The following AFF2 variants were observed in gnomAD, a reference collection of about 807,000 sequenced individuals.
The protein encoded by AFF2 is AF4/FMR2 family member 2.
Under a neutral mutation model 76.9 loss-of-function variants are expected in AFF2, and 14 were observed. The ratio of observed to expected loss-of-function variants is 0.18; its 90% CI spans 0.12 to 0.28. The LOEUF (loss-of-function observed/expected upper bound fraction) is 0.28. AFF2 is among the 10% of genes least tolerant of loss of function. The pLI is 1.00. For synonymous variants in AFF2, 398 were observed against 366.7 expected (o/e 1.09, Z -0.98); for missense variants, 868 against 1,001.1 (o/e 0.87, Z 1.79).
chrX:148,856,955 A>C (rs1476631576), intron 7 of AFF2, among the ~76,000 whole-genome samples: 2 of 112,406 alleles, frequency 1.8e-5, no homozygotes, highest in African/African-American at 6.4e-5. Context: ...CTGTTGCTGC[A>C]TATCTACTTC....
chrX:148,580,546 G>T (rs914002502), intron 1 of AFF2, among the ~76,000 whole-genome samples: 14 of 111,269 alleles, frequency 1.3e-4, no homozygotes, highest in African/African-American at 4.6e-4. Context: ...CCCTTAGAGT[G>T]ATCCAGCAGC....
chrX:148,652,231 G>A (rs1557256486), intron 2 of AFF2, 100 bp downstream of exon 2: 5 of 655,547 alleles, frequency 7.6e-6, no homozygotes, highest in Non-Finnish European at 1.2e-5. Flanking sequence ...CATTTCCAGG[G>A]GAATATATTT....
At chrX:148,882,449 T>C (rs1372333767) in intron 7 of AFF2, among the ~76,000 whole-genome samples, 1 of 112,022 alleles carries the variant, frequency 8.9e-6, no homozygotes, top group Non-Finnish European at 1.9e-5. Flanking sequence ...AAGATGAACA[T>C]TGTGGATGAC....
chrX:148,801,627 G>A (rs1421708071), intron 3 of AFF2, among the ~76,000 whole-genome samples: 2 of 111,464 alleles, frequency 1.8e-5, no homozygotes, highest in Admixed American at 9.5e-5. Context: ...TGTCTTGATC[G>A]ACTCCCTCCT....
chrX:148,706,975 A>G (rs1824009427), intron 3 of AFF2, among the ~76,000 whole-genome samples: 1 of 112,185 alleles, frequency 8.9e-6, no homozygotes, highest in African/African-American at 3.2e-5. Flanking sequence ...GTCTTTCACT[A>G]TGTAGACATA....
intron 3 of AFF2, among the ~76,000 whole-genome samples, chrX:148,761,849 A>G (rs2069447182): frequency 9.1e-6 from 1 of 110,423 alleles, no homozygotes; most frequent in African/African-American, 3.3e-5. Context: ...AAAGTGAGCT[A>G]CAATAGTTCC....
Position 148,692,971 on chromosome X carries a change from T to C in AFF2, c.1041+30203T>C, listed in dbSNP as rs782506782. On this transcript the variant is annotated intron_variant, in intron 3 of 20. Coordinates refer to ENST00000370460, the MANE Select transcript of AFF2 (RefSeq NM_002025.4). ...TCTCGCTCTGTCGCCCAGGCTGGAG[T>C]GCAGTGGCGCGATCTCGGCTCACTA... 1.4e-4 allele frequency among the ~76,000 whole-genome samples: 16 copies of C among 110,682 alleles called. No individual in the cohort carries two copies. The East Asian group carries it at 4.6e-3, about 32-fold the overall frequency.
At chrX:148,621,632 A>T in intron 1 of AFF2, among the ~76,000 whole-genome samples, 1 of 112,128 alleles carries the variant, frequency 8.9e-6, no homozygotes, top group East Asian at 2.8e-4. Context: ...TGAGAACGCA[A>T]CTCAACTAAC....
intron 1 of AFF2, among the ~76,000 whole-genome samples, chrX:148,596,492 G>A (rs1378372221): frequency 8.9e-6 from 1 of 111,739 alleles, no homozygotes. Flanking sequence ...AATACAATAG[G>A]TACTTGAGAT....
chrX:148,798,708 C>A (rs782037412), intron 3 of AFF2, among the ~76,000 whole-genome samples: 16 of 111,898 alleles, frequency 1.4e-4, no homozygotes, highest in African/African-American at 4.9e-4. Flanking sequence ...CTTGTGGATG[C>A]GAGAAAAGTT....
intron 13 of AFF2, among the ~76,000 whole-genome samples, chrX:148,964,516 T>A (rs782406886): frequency 8.9e-6 from 1 of 112,056 alleles, no homozygotes; most frequent in East Asian, 2.8e-4. Context: ...TAAGACATTA[T>A]GCTAAGTGAA....
chrX:148,656,795 C>T (rs1000645366), intron 2 of AFF2, among the ~76,000 whole-genome samples: 57 of 111,377 alleles, frequency 5.1e-4, no homozygotes, highest in Admixed American at 8.5e-4. Flanking sequence ...CCACCGCGCC[C>T]GGCCGAGGAA....
At chrX:148,688,679 A>G (rs1295755579) in intron 3 of AFF2, among the ~76,000 whole-genome samples, 1 of 111,467 alleles carries the variant, frequency 9.0e-6, no homozygotes, top group Non-Finnish European at 1.9e-5. Context: ...GAAGTGCATC[A>G]TTAGACAATT....
intron 1 of AFF2, among the ~76,000 whole-genome samples, chrX:148,562,601 C>T (rs1261181606): frequency 5.3e-5 from 6 of 112,205 alleles, no homozygotes; most frequent in African/African-American, 1.9e-4. Context: ...CTCTGGAAAC[C>T]AAGGCTAGAG....
chrX:148,776,810 G>A (rs782562415), intron 3 of AFF2, among the ~76,000 whole-genome samples: 1 of 111,609 alleles, frequency 9.0e-6, no homozygotes, highest in South Asian at 3.8e-4. Context: ...TAGGTTGCCT[G>A]TTCACTCTGA....
chrX:148,819,582 T>C (rs12860807), intron 4 of AFF2, among the ~76,000 whole-genome samples: 7,056 of 111,525 alleles, frequency 0.063, 234 homozygotes, highest in Middle Eastern at 0.16. Context: ...AGATATGTGA[T>C]TTGCAAATAT....
Position 148,661,963 on chromosome X carries a change from A to G in AFF2, c.236A>G (p.Asp79Gly). 3 of 1,208,871 alleles carry G rather than the reference A, an allele frequency of 2.5e-6. No individual in the cohort carries two copies. The highest frequency in any genetic ancestry group is 3.4e-6 in the Non-Finnish European group (3 of 892,996). The change falls in exon 3 of 21, where the codon GAT becomes GGT. Residue 79 changes from aspartate to glycine, a missense_variant. By Grantham distance (94) the Asp-to-Gly change is moderately conservative. Transcript: ENST00000370460. ...NRVQNTLGNY[D>G]EMKNLLTNHS... is the part of the protein sequence containing the mutation. ...GTCCAGAACACGCTTGGAAACTATG[A>G]TGAAATGAAGAATTTGCTAACTAAC...
chrX:148,578,720 A>T (rs2053319438), intron 1 of AFF2, among the ~76,000 whole-genome samples: 1 of 111,764 alleles, frequency 8.9e-6, no homozygotes, highest in Non-Finnish European at 1.9e-5. Flanking sequence ...ACATCATGGG[A>T]TACTTGGAGA....
At chrX:148,736,404 A>G (rs1603291074) in intron 3 of AFF2, among the ~76,000 whole-genome samples, 2 of 111,025 alleles carry the variant, frequency 1.8e-5, no homozygotes, top group East Asian at 5.7e-4. Flanking sequence ...TTTGTTGGTC[A>G]TTTGTATATC....
Sources: gnomAD v4.1 joint callset for allele counts (sites outside exome capture counted in the v4.1 genomes callset) on GRCh38, gnomAD v4.1.1 for gene constraint, MANE v1.5 for transcripts, NCBI Gene and HGNC (gene_info 2026-07-23, HGNC 2026-07-21) for gene names.